Variants in ZC3H14 observed in about 807,000 individuals in gnomAD.
The protein encoded by ZC3H14 is zinc finger CCCH-type containing 14, also known as zinc finger CCCH domain-containing protein 14.
ZC3H14 carries 31 observed loss-of-function variants against 92.4 expected under a neutral mutation model. The ratio of observed to expected loss-of-function variants is 0.34; its 90% CI spans 0.25 to 0.45. The LOEUF is 0.45. Among genes scored for constraint, ZC3H14 ranks in the 20% least tolerant of loss-of-function variants. The pLI, the probability that ZC3H14 is intolerant of heterozygous loss-of-function variation, is 1.00. For missense variants in ZC3H14, 781 were observed against 897.3 expected (o/e 0.87, Z 1.66); for synonymous variants, 321 against 300.9 (o/e 1.07, Z -0.69).
chr14:88,603,572 G>T (rs1156824956), intron 12 of ZC3H14, among the ~76,000 whole-genome samples: 1 of 152,202 alleles, frequency 6.6e-6, no homozygotes, highest in Non-Finnish European at 1.5e-5. Flanking sequence ...ACTCATTTCA[G>T]ATAGCACCAT....
At chr14:88,593,174 G>T (rs1382358351) in intron 9 of ZC3H14, among the ~76,000 whole-genome samples, 1 of 151,972 alleles carries the variant, frequency 6.6e-6, no homozygotes, top group Admixed American at 6.6e-5. Flanking sequence ...CGCCACATTG[G>T]TCAGGCTGGT....
At chr14:88,569,796 G>A (rs764233094) in intron 3 of ZC3H14, among the ~76,000 whole-genome samples, 1 of 152,180 alleles carries the variant, frequency 6.6e-6, no homozygotes, top group Non-Finnish European at 1.5e-5. Flanking sequence ...CAACCGTCTT[G>A]AAATTCTGCA....
intron 2 of ZC3H14, among the ~76,000 whole-genome samples, chr14:88,565,383 C>G (rs974825398): frequency 1.6e-4 from 25 of 152,144 alleles, no homozygotes; most frequent in African/African-American, 5.8e-4. Flanking sequence ...CCTTGTGATT[C>G]GCGTGCCTCA....
chr14:88,594,517 T>C, intron 9 of ZC3H14: 4 of 1,407,682 alleles, frequency 2.8e-6, no homozygotes, highest in Non-Finnish European at 3.7e-6. Context: ...TTTTCACATT[T>C]AGTTTTGAAT....
In ZC3H14 at chr14:88,618,269, A is replaced by G. The variant is rs772769141; in HGVS notation, c.*6518A>G. On this transcript the variant is annotated 3_prime_UTR_variant, in exon 17 of 17. Transcript: ENST00000251038. Reference sequence around the variant, plus strand: ...AAGTAATTCTGTCAATAGCGGCATGATCCATAAGATGTTTTCCTGAAGGCA... The same window carrying G: ...AAGTAATTCTGTCAATAGCGGCATGGTCCATAAGATGTTTTCCTGAAGGCA... The G allele has an allele frequency of 1.1e-5, 18 of 1,613,828 alleles. No individual in the cohort carries two copies. Among genetic ancestry groups the G allele is most frequent in the Non-Finnish European group, 1.5e-5 (18 of 1,179,860 alleles).
rs1420479113 is a variant in ZC3H14 at position 88,625,803 on chromosome 14, G to A, written c.*14052G>A. 1.3e-5 allele frequency: 2 copies of A among 152,338 alleles called. No individual in the cohort carries two copies. Among genetic ancestry groups the A allele is most frequent in the Non-Finnish European group, 2.9e-5 (2 of 68,040 alleles). 9.4% of individuals were successfully genotyped at this position (152,338 alleles called of 1,614,324 possible). On this transcript the variant is annotated 3_prime_UTR_variant, in exon 17 of 17. Transcript: ENST00000251038. ...TTTCAATAGTCTTTTTCTCAAAAAT[G>A]TAAGTGTACTTAAATATTCTAAAAT...
At chr14:88,610,113 A>C (rs1020303545) in intron 15 of ZC3H14, among the ~76,000 whole-genome samples, 3 of 152,134 alleles carry the variant, frequency 2.0e-5, no homozygotes, top group African/African-American at 7.2e-5. Flanking sequence ...GTTTGAACCT[A>C]ATGTCAGAAC....
rs2081090819 is a variant in ZC3H14, at chr14:88,575,835, T to TG, written c.1023-5_1023-4insG. Reference sequence around the variant, plus strand: ...TAATAAAAATACCTTTCTTAACTCTTTTAGACCTTCTCTTCCACCTTCTAA... The same window carrying TG: ...TAATAAAAATACCTTTCTTAACTCTTGTTAGACCTTCTCTTCCACCTTCTAA... On this transcript the variant is annotated splice_region_variant and splice_polypyrimidine_tract_variant and intron_variant, in intron 7 of 16. Coordinates refer to ENST00000251038, the MANE Select transcript of ZC3H14 (RefSeq NM_024824.5). 3 of 1,610,276 alleles carry TG rather than the reference T, an allele frequency of 1.9e-6. No homozygotes were observed. The highest frequency in any genetic ancestry group is 2.5e-6 in the Non-Finnish European group (3 of 1,176,864).
In ZC3H14 at chr14:88,615,051, G is replaced by A. The variant is rs2087373162; in HGVS notation, c.*3300G>A. 6.6e-6 allele frequency: 1 copy of A among 152,092 alleles called. No individual in the cohort carries two copies. The highest frequency in any genetic ancestry group is 2.4e-5 in the African/African-American group (1 of 41,414). The allele number at this position is 152,092 out of a possible 1,614,324, so 9.4% of individuals were successfully genotyped here. On this transcript the variant is annotated 3_prime_UTR_variant, in exon 17 of 17. Coordinates refer to ENST00000251038, the MANE Select transcript of ZC3H14 (RefSeq NM_024824.5). ...AAACCCTTACATTGTACACCATTGG[G>A]AATGATTGTTCATCATACTACTTTT...
chr14:88,595,822 C>T (rs548879682), intron 9 of ZC3H14, among the ~76,000 whole-genome samples: 1 of 152,172 alleles, frequency 6.6e-6, no homozygotes, highest in African/African-American at 2.4e-5. Flanking sequence ...TGGATATACC[C>T]AAAATCAGCA....
rs140639130 is a variant in ZC3H14, at chr14:88,615,946, T to C, written c.*4195T>C. The stretch of plus-strand genomic sequence containing the variant: ...TTTTCAGTTGTGCTTTCAGGTTACA[T>C]GTGTAATATTTTTCCTCTTTAACTC... On this transcript the variant is annotated 3_prime_UTR_variant, in exon 17 of 17. Coordinates refer to ENST00000251038, the MANE Select transcript of ZC3H14 (RefSeq NM_024824.5). 292 of 1,427,450 alleles carry C rather than the reference T, an allele frequency of 2.0e-4. No individual in the cohort carries two copies. The African/African-American group carries it at 3.8e-3, about 19-fold the overall frequency. 88.4% of individuals were successfully genotyped at this position (1,427,450 alleles called of 1,614,324 possible). A position where few individuals can be genotyped will look rare whatever the true frequency, so the allele number is the denominator to read the frequency against.
At chr14:88,609,236 A>G in intron 13 of ZC3H14, 31 bp from the exon 14 acceptor site, 1 of 1,613,470 alleles carries the variant, frequency 6.2e-7, no homozygotes, top group Non-Finnish European at 8.5e-7. Context: ...AGAAGATTGA[A>G]TATGAAATAT....
At chr14:88,574,441 C>T (rs2080898661) in intron 6 of ZC3H14, 1 of 413,786 alleles carries the variant, frequency 2.4e-6, no homozygotes. Context: ...GACAGGGTTT[C>T]ACCATATTGG....
intron 2 of ZC3H14, among the ~76,000 whole-genome samples, chr14:88,564,700 GT>G (rs1229386451): frequency 2.0e-5 from 3 of 152,118 alleles, no homozygotes; most frequent in African/African-American, 7.2e-5. Context: ...CCCCCTTGTA[GT>G]TTTTTTCTTT....
chr14:88,613,361 A>G lies in ZC3H14; in HGVS notation c.*1610A>G, dbSNP rs1275810613. 2.0e-5 allele frequency: 3 copies of G among 152,160 alleles called. No individual in the cohort carries two copies. Among genetic ancestry groups the G allele is most frequent in the Admixed American group, 1.3e-4 (2 of 15,268 alleles). The allele number at this position is 152,160 out of a possible 1,614,324, so 9.4% of individuals were successfully genotyped here. On this transcript the variant is annotated 3_prime_UTR_variant, in exon 17 of 17. Transcript: ENST00000251038. ...TCTCTGCAGAAGAAATTTATTTTAA[A>G]TTGTTTAAATATCTGGAAATACTTT...
chr14:88,578,177 T>G lies in ZC3H14; in HGVS notation c.1279+37T>G, dbSNP rs1197653146. 3.7e-6 allele frequency: 6 copies of G among 1,609,204 alleles called. No homozygotes were observed. The African/African-American group carries it at 5.3e-5, about 14-fold the overall frequency. On this transcript the variant is annotated intron_variant, in intron 9 of 16. Coordinates refer to ENST00000251038, the MANE Select transcript of ZC3H14 (RefSeq NM_024824.5). ...AATGATGTTTCACTCTTTACTACAG[T>G]TTTTTCATGAGGCATTGAATATTTT...
At position 88,572,013 on chromosome 14, in the gene ZC3H14, T is replaced by C; in HGVS notation, c.236-17T>C. The C allele has an allele frequency of 2.5e-6, 4 of 1,581,180 alleles. No homozygotes were observed. Among genetic ancestry groups the C allele is most frequent in the Non-Finnish European group, 2.6e-6 (3 of 1,157,292 alleles). ...AGAAATAAAAATAGATTAAAAGGACTGTATTTTTCTTTTCAGAACCCTCTA... is the reference window on the plus strand; with the variant it reads ...AGAAATAAAAATAGATTAAAAGGACCGTATTTTTCTTTTCAGAACCCTCTA... On this transcript the variant is annotated splice_polypyrimidine_tract_variant and intron_variant, in intron 4 of 16. Transcript: ENST00000251038.
At position 88,616,589 on chromosome 14, in the gene ZC3H14, A is replaced by G. The variant is rs1018033068; in HGVS notation, c.*4838A>G. The G allele has an allele frequency of 1.2e-6, 1 of 867,938 alleles. No individual in the cohort carries two copies. The allele number at this position is 867,938 out of a possible 1,614,324, so 53.8% of individuals were successfully genotyped here. On this transcript the variant is annotated 3_prime_UTR_variant, in exon 17 of 17. Coordinates refer to ENST00000251038, the MANE Select transcript of ZC3H14 (RefSeq NM_024824.5). ...TTTGTTTCTAATAGCTTTTATTTCA[A>G]AGTAAATAGATTTAGAAAGTTTGGG... is the stretch of plus-strand genomic sequence containing the variant.
At position 88,602,964 on chromosome 14, in the gene ZC3H14, G is replaced by C; in HGVS notation, c.1651G>C (p.Ala551Pro). The change falls in exon 12 of 17, where the codon GCA (alanine) becomes CCA (proline). Residue 551 changes from alanine (A) to proline (P), a missense_variant. Coordinates refer to ENST00000251038, the MANE Select transcript of ZC3H14 (RefSeq NM_024824.5). ...FEGMKPVNQT[A>P]ASNKGLRGLL... ...AGGAATGAAACCCGTAAACCAAACT[G>C]CAGCCTCAAACAAGGGACTCAGAGG... 1.2e-6 allele frequency: 2 copies of C among 1,614,150 alleles called. No homozygotes were observed. The highest frequency in any genetic ancestry group is 1.7e-6 in the Non-Finnish European group (2 of 1,180,026).
Sources: allele counts gnomAD v4.1 joint callset (sites outside exome capture counted in the v4.1 genomes callset), GRCh38; gene constraint gnomAD v4.1.1; transcripts MANE v1.5; gene names NCBI Gene and HGNC (gene_info 2026-07-23, HGNC 2026-07-21).